NPAS3: variants seen among roughly 807,000 people sequenced by gnomAD.
NPAS3 encodes the protein neuronal PAS domain-containing protein 3.
NPAS3 carries 14 observed loss-of-function variants against 73.1 expected under a neutral mutation model. The observed-to-expected ratio is 0.19, with a 90% confidence interval of 0.13 to 0.30. The LOEUF (loss-of-function observed/expected upper bound fraction) is 0.30, where lower values mean the gene tolerates loss of function less well. NPAS3 is among the 10% of genes least tolerant of loss of function. The pLI is 1.00. For missense variants in NPAS3, 1,096 were observed against 1,250.0 expected, an observed-to-expected ratio of 0.88 and a Z score of 1.86; for synonymous variants, 620 against 541.5, an observed-to-expected ratio of 1.14 and a Z score of -2.01.
At chr14:33,534,459 C>T (rs2054175265) in intron 4 of NPAS3, among the ~76,000 whole-genome samples, 1 of 152,100 alleles carries the variant, frequency 6.6e-6, no homozygotes, top group African/African-American at 2.4e-5. Context: ...GAGCTGGATA[C>T]TATAGAAACA....
chr14:33,442,428 T>C (rs1358675011), intron 4 of NPAS3, among the ~76,000 whole-genome samples: 2 of 147,592 alleles, frequency 1.4e-5, no homozygotes, highest in African/African-American at 2.5e-5. Context: ...AAAAAAAAAA[T>C]TAAAAAACTA....
At chr14:33,232,665 C>A (rs114884929) in intron 3 of NPAS3, among the ~76,000 whole-genome samples, 1,672 of 152,258 alleles carry the variant, frequency 0.011, 27 homozygotes, top group African/African-American at 0.037. Context: ...CTTCCCTTAG[C>A]TTTCGTCTAC....
chr14:32,994,630 G>GT (rs777136450), intron 1 of NPAS3, among the ~76,000 whole-genome samples: 2,505 of 123,350 alleles, frequency 0.02, 169 homozygotes, highest in African/African-American at 0.086. Flanking sequence ...TTGTTTGTTT[G>GT]TTTTTGTTTT....
intron 4 of NPAS3, among the ~76,000 whole-genome samples, chr14:33,469,637 T>C (rs1220947085): frequency 6.6e-6 from 1 of 152,164 alleles, no homozygotes; most frequent in East Asian, 1.9e-4. Flanking sequence ...ATAGCATGGA[T>C]CCCGCCAGTT....
intron 2 of NPAS3, among the ~76,000 whole-genome samples, chr14:33,155,392 G>A (rs1431835453): frequency 6.6e-6 from 1 of 152,098 alleles, no homozygotes; most frequent in Non-Finnish European, 1.5e-5. Context: ...ATAATTTGAG[G>A]ATTTTTGGGG....
intron 6 of NPAS3, among the ~76,000 whole-genome samples, chr14:33,722,558 G>A (rs1595502050): frequency 1.3e-5 from 2 of 152,088 alleles, no homozygotes; most frequent in East Asian, 3.9e-4. Context: ...ATGAAGCCTT[G>A]TTTTAAGGCA....
At chr14:33,007,510 C>G (rs978588937) in intron 1 of NPAS3, among the ~76,000 whole-genome samples, 12 of 152,148 alleles carry the variant, frequency 7.9e-5, no homozygotes, top group African/African-American at 2.4e-4. Flanking sequence ...ATGAAGGATC[C>G]AAAGCAGATT....
chr14:33,632,911 A>G (rs1170891888), intron 5 of NPAS3, among the ~76,000 whole-genome samples: 1 of 152,224 alleles, frequency 6.6e-6, no homozygotes, highest in Non-Finnish European at 1.5e-5. Flanking sequence ...AGCCCAAATC[A>G]TCATTCCATC....
chr14:33,237,405 G>T (rs774394664), intron 3 of NPAS3, among the ~76,000 whole-genome samples: 3 of 152,074 alleles, frequency 2.0e-5, no homozygotes, highest in Non-Finnish European at 2.9e-5. Flanking sequence ...ACTGAATAAT[G>T]ATGTATGTGG....
In NPAS3 at chr14:33,535,962, G is replaced by A. The variant is rs188317345; in HGVS notation, c.469-24159G>A. Among the ~76,000 whole-genome samples, 10 of 152,304 alleles carry A rather than the reference G, an allele frequency of 6.6e-5. No individual in the cohort carries two copies. In the East Asian group the frequency reaches 1.9e-3, roughly 29 times the overall value. On this transcript the variant is annotated intron_variant, in intron 4 of 11. Transcript: ENST00000356141. ...ATATATGTTTAGAGGCCACTGGTTA[G>A]CATCAGGAATACTCTCTTTGGCCAT...
At chr14:33,389,301 G>A (rs2046902607) in intron 4 of NPAS3, among the ~76,000 whole-genome samples, 3 of 152,148 alleles carry the variant, frequency 2.0e-5, no homozygotes, top group Admixed American at 1.3e-4. Flanking sequence ...TTCCTTTAAG[G>A]TATTTTTAAT....
chr14:33,499,747 T>C (rs1457640200), intron 4 of NPAS3, among the ~76,000 whole-genome samples: 1 of 151,978 alleles, frequency 6.6e-6, no homozygotes, highest in Non-Finnish European at 1.5e-5. Flanking sequence ...GTAACAATAT[T>C]TGCAGGCTGA....
intron 1 of NPAS3, among the ~76,000 whole-genome samples, chr14:33,045,081 A>C (rs1314825913): frequency 6.6e-5 from 10 of 152,192 alleles, no homozygotes; most frequent in Non-Finnish European, 1.5e-5. Context: ...CAGTACATTA[A>C]GGCCCAACCT....
intron 2 of NPAS3, among the ~76,000 whole-genome samples, chr14:33,197,237 C>CCG (rs1555353809): frequency 7.4e-6 from 1 of 135,214 alleles, no homozygotes; most frequent in Non-Finnish European, 1.6e-5. Context: ...CTCCAGCAGG[C>CCG]TGTGTGTGTG....
chr14:33,216,516 C>T (rs2047230552), intron 3 of NPAS3, among the ~76,000 whole-genome samples: 1 of 152,108 alleles, frequency 6.6e-6, no homozygotes, highest in Admixed American at 6.6e-5. Flanking sequence ...GTGTTATGCA[C>T]ATTAGAGGTG....
At chr14:33,556,113 T>C (rs8021859) in intron 4 of NPAS3, among the ~76,000 whole-genome samples, 125,964 of 152,146 alleles carry the variant, frequency 0.83, 52,268 homozygotes, top group Admixed American at 0.84. Flanking sequence ...CTTAGATCGC[T>C]ACTGCTTAAT....
chr14:33,605,984 A>G (rs1469247177), intron 5 of NPAS3, among the ~76,000 whole-genome samples: 2 of 152,220 alleles, frequency 1.3e-5, no homozygotes, highest in African/African-American at 2.4e-5. Flanking sequence ...AAAAATCCAC[A>G]GTAATCAAGA....
intron 2 of NPAS3, among the ~76,000 whole-genome samples, chr14:33,102,277 T>C (rs2042600192): frequency 2.0e-5 from 3 of 152,104 alleles, no homozygotes; most frequent in South Asian, 4.1e-4. Context: ...TGATTTTGAA[T>C]AGAAAAACTA....
At chr14:33,354,387 C>G (rs909745097) in intron 3 of NPAS3, among the ~76,000 whole-genome samples, 1 of 152,160 alleles carries the variant, frequency 6.6e-6, no homozygotes, top group African/African-American at 2.4e-5. Flanking sequence ...TCTCTTCTTT[C>G]TAGGACATGG....
Sources: allele counts gnomAD v4.1 joint callset (sites outside exome capture counted in the v4.1 genomes callset), GRCh38; gene constraint gnomAD v4.1.1; transcripts MANE v1.5; gene names NCBI Gene and HGNC (gene_info 2026-07-23, HGNC 2026-07-21).